DNM3: variants seen among roughly 807,000 people sequenced by gnomAD.
DNM3 encodes dynamin 3, also known as dynamin-3.
Under a neutral mutation model 101.6 loss-of-function variants are expected in DNM3, and 47 were observed. The observed-to-expected ratio is 0.46, with a 90% CI of 0.37 to 0.59. The LOEUF is 0.59. Among genes scored for constraint, DNM3 ranks in the 20% least tolerant of loss-of-function variants. The pLI is 0.00. For synonymous variants in DNM3, 385 were observed against 387.9 expected (o/e 0.99, Z 0.09); for missense variants, 849 against 1,085.7 (o/e 0.78, Z 3.06).
At chr1:172,022,498 T>C (rs1342841385) in intron 4 of DNM3, among the ~76,000 whole-genome samples, 1 of 152,130 alleles carries the variant, frequency 6.6e-6, no homozygotes, top group African/African-American at 2.4e-5. Context: ...CTAGCTTCCT[T>C]TTCAGATATA....
chr1:172,098,782 G>A (rs914062746), intron 13 of DNM3, among the ~76,000 whole-genome samples: 15 of 152,188 alleles, frequency 9.9e-5, no homozygotes, highest in East Asian at 1.9e-4. Flanking sequence ...TGGTCCCTCC[G>A]TTCGGGGTCC....
chr1:172,052,683 C>T (rs2050291961), intron 10 of DNM3, among the ~76,000 whole-genome samples: 1 of 152,082 alleles, frequency 6.6e-6, no homozygotes, highest in Admixed American at 6.6e-5. Context: ...GGGTTCTCTT[C>T]CCTCTTTCTC....
At chr1:172,134,955 T>C (rs2148108750) in intron 14 of DNM3, among the ~76,000 whole-genome samples, 1 of 152,258 alleles carries the variant, frequency 6.6e-6, no homozygotes, top group African/African-American at 2.4e-5. Context: ...TTTTTTAAGC[T>C]GGAGAGTCAC....
intron 1 of DNM3, among the ~76,000 whole-genome samples, chr1:171,893,926 T>A (rs1025384456): frequency 2.6e-5 from 4 of 152,030 alleles, no homozygotes; most frequent in South Asian, 2.1e-4. Context: ...ATATATATAT[T>A]TTTTCTCCTG....
At chr1:172,004,783 T>G (rs2125684370) in intron 4 of DNM3, among the ~76,000 whole-genome samples, 1 of 152,096 alleles carries the variant, frequency 6.6e-6, no homozygotes, top group African/African-American at 2.4e-5. Context: ...GAACTCAGTT[T>G]AAATAAAGGC....
intron 12 of DNM3, among the ~76,000 whole-genome samples, chr1:172,091,450 T>C (rs938577221): frequency 3.9e-5 from 6 of 152,134 alleles, no homozygotes; most frequent in Non-Finnish European, 7.4e-5. Flanking sequence ...TAGTCCTAAC[T>C]GAAAAGAAGG....
At chr1:171,966,428 A>G (rs926366802) in intron 2 of DNM3, among the ~76,000 whole-genome samples, 3 of 152,200 alleles carry the variant, frequency 2.0e-5, no homozygotes, top group East Asian at 1.9e-4. Context: ...ACTTCTCCTG[A>G]TCCTTGTATT....
chr1:172,313,265 G>C (rs1344330432), intron 16 of DNM3, among the ~76,000 whole-genome samples: 1 of 152,160 alleles, frequency 6.6e-6, no homozygotes, highest in Non-Finnish European at 1.5e-5. Context: ...TCACTGATGA[G>C]ACTGAAATAC....
At position 171,914,994 on chromosome 1, in the gene DNM3, G is replaced by A. The variant is rs376142771; in HGVS notation, c.162-6754G>A. On this transcript the variant is annotated intron_variant, in intron 1 of 20. Coordinates refer to ENST00000627582, the MANE Select transcript of DNM3 (RefSeq NM_015569.5). ...AGTGTTGAAGATTTAGGGGGATAGG[G>A]ATGTGCCTAGACACGAAGTCTAAGA... is the stretch of plus-strand genomic sequence containing the variant. Among the ~76,000 whole-genome samples the A allele has an allele frequency of 5.0e-4, 76 of 152,180 alleles. 1 individual carries two copies. The East Asian group carries it at 9.9e-3, about 20-fold the overall frequency.
chr1:171,851,345 T>C (rs2032934379), intron 1 of DNM3, among the ~76,000 whole-genome samples: 1 of 152,216 alleles, frequency 6.6e-6, no homozygotes, highest in South Asian at 2.1e-4. Context: ...AAGCCATTTA[T>C]CTAAGCTGAA....
At chr1:172,370,183 TTAAGG>T (rs1399854280) in intron 17 of DNM3, 3 of 151,918 alleles carry the variant, frequency 2.0e-5, no homozygotes, top group Non-Finnish European at 4.4e-5. Flanking sequence ...AAAGGCAGTA[TTAAGG>T]TAAATTTCAA....
At chr1:171,995,600 A>G (rs2045946334) in intron 4 of DNM3, among the ~76,000 whole-genome samples, 1 of 152,066 alleles carries the variant, frequency 6.6e-6, no homozygotes, top group Non-Finnish European at 1.5e-5. Flanking sequence ...CTGGTCCTAT[A>G]CAACTGTAAT....
At chr1:172,200,545 A>T (rs2060116471) in intron 14 of DNM3, among the ~76,000 whole-genome samples, 1 of 152,058 alleles carries the variant, frequency 6.6e-6, no homozygotes, top group Non-Finnish European at 1.5e-5. Flanking sequence ...GATGCCAGTG[A>T]TTTGTAGATT....
At chr1:172,295,174 T>C (rs1360042243) in intron 15 of DNM3, among the ~76,000 whole-genome samples, 1 of 152,156 alleles carries the variant, frequency 6.6e-6, no homozygotes, top group Non-Finnish European at 1.5e-5. Flanking sequence ...TCTATGTTTC[T>C]TCACTACATC....
intron 14 of DNM3, among the ~76,000 whole-genome samples, chr1:172,140,968 G>T (rs1224929150): frequency 2.0e-5 from 3 of 151,880 alleles, no homozygotes; most frequent in African/African-American, 7.2e-5. Context: ...AAACATAAAA[G>T]AGCTATTTGT....
chr1:172,128,860 A>G (rs1572633771), intron 13 of DNM3, among the ~76,000 whole-genome samples: 1 of 152,226 alleles, frequency 6.6e-6, no homozygotes. Flanking sequence ...AACTTTATAC[A>G]TCATGGCTTT....
chr1:172,179,874 A>G (rs1446310555), intron 14 of DNM3, among the ~76,000 whole-genome samples: 2 of 152,016 alleles, frequency 1.3e-5, no homozygotes, highest in Non-Finnish European at 2.9e-5. Flanking sequence ...GGTTAATTAG[A>G]TTTTCGCCCA....
intron 18 of DNM3, 72 bp from the exon 19 acceptor site, chr1:172,387,056 ACTGCC>A: frequency 2.4e-6 from 3 of 1,254,676 alleles, no homozygotes; most frequent in Non-Finnish European, 3.5e-6. Context: ...CCAGACTCTG[ACTGCC>A]ACAGCCATGT....
At chr1:172,010,854 A>G (rs1478029455) in intron 4 of DNM3, among the ~76,000 whole-genome samples, 1 of 151,460 alleles carries the variant, frequency 6.6e-6, no homozygotes, top group African/African-American at 2.4e-5. Flanking sequence ...CGTATTTGTA[A>G]TAACTGTTTA....
Sources: gnomAD v4.1 joint callset for allele counts (sites outside exome capture counted in the v4.1 genomes callset) on GRCh38, gnomAD v4.1.1 for gene constraint, MANE v1.5 for transcripts, NCBI Gene and HGNC (gene_info 2026-07-23, HGNC 2026-07-21) for gene names.